CHURC1: variants seen among roughly 807,000 people sequenced by gnomAD.
CHURC1 encodes churchill domain containing 1, also known as protein Churchill.
CHURC1 carries 12 observed loss-of-function variants against 15.4 expected under a neutral mutation model. The observed-to-expected ratio is 0.78, with a 90% CI of 0.50 to 1.27. The LOEUF (loss-of-function observed/expected upper bound fraction) is 1.27. Ranked by LOEUF, CHURC1 falls within the 50% of genes most tolerant of loss-of-function variation. The pLI, the probability that CHURC1 is intolerant of heterozygous loss-of-function variation, is 0.00. For synonymous variants in CHURC1, 42 were observed against 47.5 expected (o/e 0.88, Z 0.48); for missense variants, 132 against 137.8 (o/e 0.96, Z 0.21).
intron 2 of CHURC1, 127 bp downstream of exon 2, chr14:64,924,253 C>T (rs1884526759): frequency 8.8e-7 from 1 of 1,137,760 alleles, no homozygotes; most frequent in Non-Finnish European, 1.1e-6. Context: ...CTAGTTAGGT[C>T]TTTAAGAGGA....
intron 3 of CHURC1, among the ~76,000 whole-genome samples, chr14:64,928,591 C>T (rs1182225201): frequency 6.6e-6 from 1 of 152,092 alleles, no homozygotes; most frequent in Non-Finnish European, 1.5e-5. Context: ...TTCCTATACT[C>T]CTCTTAAGTA....
At chr14:64,920,997 G>T (rs1347969258) in intron 1 of CHURC1, among the ~76,000 whole-genome samples, 1 of 152,158 alleles carries the variant, frequency 6.6e-6, no homozygotes, top group Non-Finnish European at 1.5e-5. Context: ...TTTGATATTA[G>T]TGGGAAGGTA....
At chr14:64,931,362 C>G (rs1032358744) in intron 3 of CHURC1, among the ~76,000 whole-genome samples, 2 of 151,878 alleles carry the variant, frequency 1.3e-5, no homozygotes, top group Admixed American at 6.6e-5. Flanking sequence ...AGTGAGACCC[C>G]ATCTCTACAA....
At chr14:64,925,806 A>G (rs1480561859) in intron 2 of CHURC1, among the ~76,000 whole-genome samples, 1 of 145,678 alleles carries the variant, frequency 6.9e-6, no homozygotes, top group Non-Finnish European at 1.5e-5. Flanking sequence ...ATAAAAGCTC[A>G]GACTCAGAAT....
intron 3 of CHURC1, among the ~76,000 whole-genome samples, chr14:64,928,179 C>A (rs1465439751): frequency 6.6e-6 from 1 of 152,086 alleles, no homozygotes; most frequent in Non-Finnish European, 1.5e-5. Context: ...CTCATGTTAT[C>A]GTCTTTCTTT....
At position 64,923,996 on chromosome 14, in the gene CHURC1, T is replaced by TA; in HGVS notation, c.46dup (p.Thr16AsnfsTer20). The TA allele has an allele frequency of 6.4e-7, 1 of 1,566,768 alleles. No individual in the cohort carries two copies. The highest frequency in any genetic ancestry group is 8.7e-7 in the Non-Finnish European group (1 of 1,154,290). On this transcript the variant is annotated frameshift_variant, in exon 2 of 4. Transcript: ENST00000549115. LOFTEE classifies it high-confidence loss of function. ...TCCTGTTTCTGATATTTTAGGGTAA[T>TA]ACCTGCCTGGAGAATGGATCTTTCT...
At chr14:64,917,733 A>AT (rs1249033879) in intron 1 of CHURC1, among the ~76,000 whole-genome samples, 1 of 152,344 alleles carries the variant, frequency 6.6e-6, no homozygotes, top group African/African-American at 2.4e-5. Flanking sequence ...GAAAAAAAAA[A>AT]GAATTAACAA....
intron 1 of CHURC1, among the ~76,000 whole-genome samples, chr14:64,917,195 G>A (rs1883949901): frequency 1.3e-5 from 2 of 152,104 alleles, no homozygotes; most frequent in African/African-American, 2.4e-5. Flanking sequence ...ACTTTGGGAG[G>A]CCAAGGCAGG....
Position 64,932,070 on chromosome 14 carries a change from CTAGAG to C in CHURC1, c.247-65_247-61del, listed in dbSNP as rs1335132854. 5.8e-6 allele frequency: 9 copies of C among 1,555,702 alleles called. No individual in the cohort carries two copies. In the East Asian group the frequency reaches 2.0e-4, roughly 35 times the overall value. Reference sequence around the variant, plus strand: ...TGACAATTTGTAGAGAACATCTTAACTAGAGTAAGTTATAAAGCATCTTTTTCCCT... The same window carrying C: ...TGACAATTTGTAGAGAACATCTTAACTAAGTTATAAAGCATCTTTTTCCCT... On this transcript the variant is annotated intron_variant, in intron 3 of 3. Transcript: ENST00000549115.
intron 3 of CHURC1, among the ~76,000 whole-genome samples, chr14:64,928,107 TAGAG>T (rs775560254): frequency 2.6e-5 from 4 of 152,144 alleles, no homozygotes; most frequent in Non-Finnish European, 5.9e-5. Context: ...TCTCTCCTGT[TAGAG>T]AGAAAGATTT....
chr14:64,922,287 A>AG (rs1194218879), intron 1 of CHURC1, among the ~76,000 whole-genome samples: 3 of 152,138 alleles, frequency 2.0e-5, no homozygotes, highest in Non-Finnish European at 4.4e-5. Flanking sequence ...TTATTAAAAA[A>AG]AAAATCAAAG....
In CHURC1 at chr14:64,934,304, T is replaced by G. The variant is rs896707810; in HGVS notation, c.*2074T>G. On this transcript the variant is annotated 3_prime_UTR_variant, in exon 4 of 4. Coordinates refer to ENST00000549115, the MANE Select transcript of CHURC1 (RefSeq NM_001386928.1). The stretch of plus-strand genomic sequence containing the variant: ...GGGAGGTTGTGATGAGCCAAGGTCA[T>G]GCCACTGCACTCCAGCCTGGGAGAC... The G allele has an allele frequency of 2.0e-6, 1 of 501,258 alleles. No individual in the cohort carries two copies. Among genetic ancestry groups the G allele is most frequent in the Non-Finnish European group, 2.6e-6 (1 of 387,726 alleles). 31.1% of individuals were successfully genotyped at this position (501,258 alleles called of 1,614,324 possible).
chr14:64,923,816 G>T (rs1299198343), intron 1 of CHURC1, among the ~76,000 whole-genome samples, 175 bp from the exon 2 acceptor site: 5 of 131,822 alleles, frequency 3.8e-5, no homozygotes, highest in Middle Eastern at 4.2e-3. Flanking sequence ...TTTAACATGA[G>T]TAACACTTCT....
Position 64,932,551 on chromosome 14 carries a change from T to C in CHURC1, c.*321T>C. 1.3e-6 allele frequency: 1 copy of C among 777,632 alleles called. No homozygotes were observed. Among genetic ancestry groups the C allele is most frequent in the Non-Finnish European group, 1.6e-6 (1 of 624,796 alleles). 48.2% of individuals were successfully genotyped at this position (777,632 alleles called of 1,614,324 possible). On this transcript the variant is annotated 3_prime_UTR_variant, in exon 4 of 4. Transcript: ENST00000549115. Reference sequence around the variant, plus strand: ...TCCAATAAAAGGAACCAGGACTCCTTAGAAAATGAACTGATTCTAGAACTG... The same window carrying C: ...TCCAATAAAAGGAACCAGGACTCCTCAGAAAATGAACTGATTCTAGAACTG...
chr14:64,921,942 A>G (rs1044063663), intron 1 of CHURC1, among the ~76,000 whole-genome samples: 11 of 152,242 alleles, frequency 7.2e-5, no homozygotes, highest in African/African-American at 2.2e-4. Context: ...ATGAAAAGCA[A>G]CAAACTACCA....
chr14:64,928,080 C>T (rs1448701589), intron 3 of CHURC1, among the ~76,000 whole-genome samples: 2 of 151,936 alleles, frequency 1.3e-5, no homozygotes, highest in Admixed American at 1.3e-4. Flanking sequence ...TAGCATTGTC[C>T]CAACTTTACT....
intron 2 of CHURC1, among the ~76,000 whole-genome samples, chr14:64,925,544 C>T (rs965786386): frequency 6.6e-6 from 1 of 151,750 alleles, no homozygotes; most frequent in Non-Finnish European, 1.5e-5. Flanking sequence ...TGTGTTGGCA[C>T]ATGTCTTGAG....
intron 3 of CHURC1, among the ~76,000 whole-genome samples, chr14:64,927,507 C>T (rs186893010): frequency 2.0e-4 from 31 of 152,242 alleles, no homozygotes; most frequent in Admixed American, 5.2e-4. Context: ...TATGTCCTAA[C>T]CAAGCCATTG....
chr14:64,930,569 A>T (rs1403294297), intron 3 of CHURC1, among the ~76,000 whole-genome samples: 2 of 152,234 alleles, frequency 1.3e-5, no homozygotes, highest in East Asian at 1.9e-4. Context: ...TCACTGATTT[A>T]ATAGTCTTGC....
Sources: allele counts gnomAD v4.1 joint callset (sites outside exome capture counted in the v4.1 genomes callset), GRCh38; gene constraint gnomAD v4.1.1; transcripts MANE v1.5; gene names NCBI Gene and HGNC (gene_info 2026-07-23, HGNC 2026-07-21).